The following ARHGEF1 variants were observed in gnomAD, a reference collection of about 807,000 sequenced individuals.
ARHGEF1 encodes the protein 115 kDa guanine nucleotide exchange factor.
Under a neutral mutation model 119.7 loss-of-function variants are expected in ARHGEF1, and 40 were observed. The observed-to-expected ratio is 0.33, with a 90% CI of 0.26 to 0.44. ARHGEF1 has a LOEUF of 0.44. ARHGEF1 is among the 20% of genes least tolerant of loss of function. The pLI is 1.00. For missense variants in ARHGEF1, 976 were observed against 1,268.3 expected (o/e 0.77, Z 3.50); for synonymous variants, 494 against 521.0 (o/e 0.95, Z 0.71).
chr19:41,907,666 A>C, downstream of ARHGEF1: 2 of 403,526 alleles, frequency 5.0e-6, no homozygotes, highest in Non-Finnish European at 8.8e-6. Flanking sequence ...TCCAGCTCCC[A>C]CCCCCGATCC....
At chr19:41,884,439 G>C (rs1555844875) in intron 1 of ARHGEF1, 1 of 1,604,586 alleles carries the variant, frequency 6.2e-7, no homozygotes, top group Non-Finnish European at 8.5e-7. Flanking sequence ...CGGAGCCCGA[G>C]CGCGGAGGCT....
downstream of ARHGEF1, chr19:41,907,535 T>A (rs1303281650): frequency 2.4e-6 from 2 of 839,446 alleles, no homozygotes; most frequent in Non-Finnish European, 3.6e-6. Flanking sequence ...ATCCTGGGTC[T>A]GTGCCTCTGC....
exon 2 of ARHGEF1, chr19:41,928,971 G>A (rs782043905): frequency 2.2e-6 from 1 of 454,272 alleles, no homozygotes; most frequent in Non-Finnish European, 4.4e-6. Flanking sequence ...CACGGACAGA[G>A]GGACATATGG....
chr19:41,908,719 C>T, downstream of ARHGEF1: 1 of 1,107,146 alleles, frequency 9.0e-7, no homozygotes, highest in Admixed American at 4.3e-5. This position sits in a 1 kb window ranked among gnomAD's most constrained non-coding sequence, Gnocchi z 6.7. Context: ...ACCTGCCTGC[C>T]TGGGGACCAG....
Position 41,904,486 on chromosome 19 carries a change from A to G in ARHGEF1, c.2161+103A>G. ...CCCTCTAGAGAGCCAGGGAGCCAGC[A>G]TTCTAGCAAAGAGGTTGAGAAGTAG... On this transcript the variant is annotated intron_variant, in intron 22 of 28. Transcript: ENST00000354532. The surrounding 1 kb of genome is among the most constrained non-coding windows in gnomAD (Gnocchi z 8.4). The G allele has an allele frequency of 7.4e-7, 1 of 1,355,374 alleles. No homozygotes were observed. The highest frequency in any genetic ancestry group is 9.8e-7 in the Non-Finnish European group (1 of 1,020,980). 84.0% of individuals were successfully genotyped at this position (1,355,374 alleles called of 1,614,324 possible). A position where few individuals can be genotyped will look rare whatever the true frequency, so the allele number is the denominator to read the frequency against.
intron 13 of ARHGEF1, chr19:41,896,791 C>CCTCCTCTCTCACCTCCCCG: frequency 4.1e-6 from 2 of 488,606 alleles, no homozygotes; most frequent in Non-Finnish European, 7.7e-6. Flanking sequence ...TTTATTTCCC[C>CCTCCTCTCTCACCTCCCCG]CTCCTCTCTC....
intron 1 of ARHGEF1, among the ~76,000 whole-genome samples, chr19:41,925,223 G>T (rs558747933): frequency 1.6e-3 from 237 of 152,272 alleles, no homozygotes; most frequent in African/African-American, 5.5e-3. Context: ...CAGGGCAGAG[G>T]ATTCCCTGGG....
chr19:41,909,694 CCCT>C (rs1313248555), downstream of ARHGEF1, among the ~76,000 whole-genome samples: 4 of 152,226 alleles, frequency 2.6e-5, no homozygotes, highest in East Asian at 1.9e-4. This position sits in a 1 kb window ranked among gnomAD's most constrained non-coding sequence, Gnocchi z 5.2. Context: ...GTTTAGGGGT[CCCT>C]CCTCCTCGCC....
chr19:41,916,521 G>C lies in ARHGEF1; in HGVS notation c.1866-6571G>C, dbSNP rs919626006. Among the ~76,000 whole-genome samples the C allele has an allele frequency of 1.3e-5, 2 of 151,830 alleles. No homozygotes were observed. Among genetic ancestry groups the C allele is most frequent in the African/African-American group, 4.8e-5 (2 of 41,314 alleles). ...CAATTCAATCTCACACAGAAACAAA[G>C]ACACAAAATCACAAATCCTAGACAC... On this transcript the variant is annotated intron_variant, in intron 18 of 20. Transcript: ENST00000599589. This position sits in a 1 kb window ranked among gnomAD's most constrained non-coding sequence, Gnocchi z 5.4.
chr19:41,899,505 CTTT>C (rs575816890), intron 14 of ARHGEF1, among the ~76,000 whole-genome samples: 9 of 101,744 alleles, frequency 8.8e-5, no homozygotes, highest in African/African-American at 2.7e-4. Context: ...AAAGAGAAAG[CTTT>C]TTTTTTTTTT....
In ARHGEF1 at chr19:41,898,169, G is replaced by C. The variant is rs964835547; in HGVS notation, c.1122-273G>C. The C allele has an allele frequency of 2.8e-6, 4 of 1,410,842 alleles. No individual in the cohort carries two copies. The African/African-American group carries it at 5.9e-5, about 21-fold the overall frequency. The allele number at this position is 1,410,842 out of a possible 1,614,324, so 87.4% of individuals were successfully genotyped here. ...CTAAGGCAGCCTGGAGAATCAGGGA[G>C]GGATTGTTGTCAGAGTCACAGAGGA... On this transcript the variant is annotated intron_variant, in intron 13 of 28. Transcript: ENST00000354532.
chr19:41,888,229 T>C lies in ARHGEF1; in HGVS notation c.62T>C (p.Val21Ala). The C allele has an allele frequency of 6.2e-7, 1 of 1,613,964 alleles. No individual in the cohort carries two copies. The highest frequency in any genetic ancestry group is 1.1e-5 in the South Asian group (1 of 91,074). ...PGPSRPGLVP[V>A]SIIGAEDEDF... ...CCCTCCCGGCCTGGCCTGGTTCCCGTCAGCATCATCGGGGCTGAGGATGAG... is the reference window on the plus strand; with the variant it reads ...CCCTCCCGGCCTGGCCTGGTTCCCGCCAGCATCATCGGGGCTGAGGATGAG... The change falls in exon 3 of 29, where the codon GTC (valine) becomes GCC (alanine). Residue 21 changes from valine (V) to alanine (A), a missense_variant. Around this residue, in one of 3 missense-constraint regions of ARHGEF1, gnomAD observed 519 missense variants for 580.9 expected, o/e 0.89. Coordinates refer to ENST00000354532, the MANE Select transcript of ARHGEF1 (RefSeq NM_004706.4). This position sits in a 1 kb window ranked among gnomAD's most constrained non-coding sequence, Gnocchi z 5.1.
At chr19:41,886,812 G>T (rs1355675814) in intron 1 of ARHGEF1, among the ~76,000 whole-genome samples, 1 of 152,188 alleles carries the variant, frequency 6.6e-6, no homozygotes, top group African/African-American at 2.4e-5. Context: ...GAGAAGGGCG[G>T]GTCTCTGCTG....
intron 14 of ARHGEF1, 105 bp downstream of exon 14, chr19:41,898,692 C>G: frequency 7.2e-7 from 1 of 1,398,378 alleles, no homozygotes; most frequent in Non-Finnish European, 9.5e-7. Flanking sequence ...CATTTACCAT[C>G]GGGAGAACTT....
Position 41,905,123 on chromosome 19 carries a change from G to A in ARHGEF1, c.2250-52G>A. ...GACAGGAGGGCTGTGGGGAGGCCCT[G>A]GCATAGGGTCTGGGGGCTCTGACTG... On this transcript the variant is annotated intron_variant, in intron 23 of 28. Transcript: ENST00000354532. This position sits in a 1 kb window ranked among gnomAD's most constrained non-coding sequence, Gnocchi z 6.4. The A allele has an allele frequency of 6.2e-7, 1 of 1,610,812 alleles. No individual in the cohort carries two copies. Among genetic ancestry groups the A allele is most frequent in the Admixed American group, 1.7e-5 (1 of 59,994 alleles).
At position 41,903,674 on chromosome 19, in the gene ARHGEF1, C is replaced by T. The variant is rs782073931; in HGVS notation, c.1840-33C>T. On this transcript the variant is annotated intron_variant, in intron 19 of 28. Transcript: ENST00000354532. This position sits in a 1 kb window ranked among gnomAD's most constrained non-coding sequence, Gnocchi z 4.2. ...ACTGCAGGTCAGCCCCAGCACTTAG[C>T]TTGTCCCCATAATGCTCCCGTCTCT... 6.2e-7 allele frequency: 1 copy of T among 1,607,350 alleles called. No homozygotes were observed. The highest frequency in any genetic ancestry group is 8.5e-7 in the Non-Finnish European group (1 of 1,177,366).
intron 1 of ARHGEF1, among the ~76,000 whole-genome samples, chr19:41,886,911 G>A (rs2074301891): frequency 6.6e-6 from 1 of 152,184 alleles, no homozygotes; most frequent in Non-Finnish European, 1.5e-5. Context: ...CACCTGACAC[G>A]GGCTCCGTGG....
At position 41,887,988 on chromosome 19, in the gene ARHGEF1, G is replaced by A. The variant is rs1600643256; in HGVS notation, c.-19-76G>A. ...GGCTGTTTACTCACCTTCACACCTGGGCCAGGAATCTGTGAGTAACCACCC... is the reference window on the plus strand; with the variant it reads ...GGCTGTTTACTCACCTTCACACCTGAGCCAGGAATCTGTGAGTAACCACCC... On this transcript the variant is annotated intron_variant, in intron 1 of 28. Coordinates refer to ENST00000354532, the MANE Select transcript of ARHGEF1 (RefSeq NM_004706.4). The A allele has an allele frequency of 2.7e-6, 4 of 1,499,680 alleles. No individual in the cohort carries two copies. In the East Asian group the frequency reaches 9.4e-5, roughly 35 times the overall value. The allele number at this position is 1,499,680 out of a possible 1,614,324, so 92.9% of individuals were successfully genotyped here. A position where few individuals can be genotyped will look rare whatever the true frequency, so the allele number is the denominator to read the frequency against.
chr19:41,896,749 C>T, intron 13 of ARHGEF1: 5 of 623,964 alleles, frequency 8.0e-6, no homozygotes, highest in Non-Finnish European at 1.5e-5. Context: ...CCTTCTCCTC[C>T]TCCCTTCCTC....
Sources: allele counts gnomAD v4.1 joint callset (sites outside exome capture counted in the v4.1 genomes callset), GRCh38; gene constraint gnomAD v4.1.1; regional missense constraint gnomAD v4.1.1; non-coding constraint Gnocchi (gnomAD v3.1); transcripts MANE v1.5; gene names NCBI Gene and HGNC (gene_info 2026-07-23, HGNC 2026-07-21).